Variants in ALK observed in about 807,000 individuals in gnomAD.
ALK encodes ALK tyrosine kinase receptor.
ALK carries 74 observed loss-of-function variants against 163.1 expected under a neutral mutation model. The ratio of observed to expected loss-of-function variants is 0.45; its 90% CI spans 0.38 to 0.55. ALK has a LOEUF of 0.55. Among genes scored for constraint, ALK ranks in the 20% least tolerant of loss-of-function variants. The probability of loss-of-function intolerance (pLI) is 0.00; values close to 1 mark genes in which losing one functional copy is unlikely to be tolerated. For missense variants in ALK, 2,063 were observed against 2,105.3 expected, an observed-to-expected ratio of 0.98 and a Z score of 0.39; for synonymous variants, 960 against 843.2, an observed-to-expected ratio of 1.14 and a Z score of -2.40.
chr2:29,616,483 TG>T (rs1185984667), intron 3 of ALK, among the ~76,000 whole-genome samples: 1 of 152,182 alleles, frequency 6.6e-6, no homozygotes, highest in Non-Finnish European at 1.5e-5. Flanking sequence ...TCAAGGCGTC[TG>T]AAGAATTTGT....
chr2:29,660,256 C>G (rs1273096559), intron 3 of ALK, among the ~76,000 whole-genome samples: 2 of 152,118 alleles, frequency 1.3e-5, no homozygotes, highest in Non-Finnish European at 2.9e-5. Flanking sequence ...TAAATCCTAG[C>G]CCAGGAAATG....
chr2:29,830,467 G>A (rs1028009485), intron 1 of ALK, among the ~76,000 whole-genome samples: 2 of 152,024 alleles, frequency 1.3e-5, no homozygotes, highest in African/African-American at 4.8e-5. Flanking sequence ...TCAGGTAAGA[G>A]GAGCCCTATT....
At chr2:29,785,029 T>A (rs1663973022) in intron 1 of ALK, among the ~76,000 whole-genome samples, 1 of 152,004 alleles carries the variant, frequency 6.6e-6, no homozygotes, top group Admixed American at 6.6e-5. Context: ...ACAAGAAGTA[T>A]CCCTTTTCAG....
At chr2:29,254,198 G>A (rs1236651383) in intron 11 of ALK, among the ~76,000 whole-genome samples, 3 of 152,180 alleles carry the variant, frequency 2.0e-5, no homozygotes, top group Non-Finnish European at 4.4e-5. Context: ...TGAACTGTGA[G>A]TCAGTTAAAC....
chr2:29,722,958 G>T (rs957027914), intron 1 of ALK, among the ~76,000 whole-genome samples: 1 of 152,090 alleles, frequency 6.6e-6, no homozygotes, highest in African/African-American at 2.4e-5. Context: ...CAATTCATCA[G>T]CAAATCTTGA....
chr2:29,752,405 A>T (rs908616424), intron 1 of ALK, among the ~76,000 whole-genome samples: 2 of 137,534 alleles, frequency 1.5e-5, no homozygotes, highest in Admixed American at 1.6e-4. Context: ...GCTGGAGTGC[A>T]GTGGCGCGAT....
chr2:29,806,292 C>G (rs57347299), intron 1 of ALK, among the ~76,000 whole-genome samples: 19,464 of 152,010 alleles, frequency 0.13, 3,802 homozygotes, highest in African/African-American at 0.42. Context: ...GTGTGGGATG[C>G]TGAAGCTTCT....
intron 1 of ALK, among the ~76,000 whole-genome samples, chr2:29,806,235 G>A (rs776101477): frequency 1.3e-5 from 2 of 152,128 alleles, no homozygotes; most frequent in Admixed American, 6.5e-5. Context: ...TAAATCACAC[G>A]GTGTGCGTGT....
intron 4 of ALK, among the ~76,000 whole-genome samples, chr2:29,486,522 G>A (rs1671780204): frequency 6.6e-6 from 1 of 152,134 alleles, no homozygotes; most frequent in Non-Finnish European, 1.5e-5. Flanking sequence ...TGCACATAAA[G>A]TCAGCACATT....
At chr2:29,906,901 T>A (rs1667563161) in intron 1 of ALK, among the ~76,000 whole-genome samples, 1 of 149,462 alleles carries the variant, frequency 6.7e-6, no homozygotes, top group Middle Eastern at 3.3e-3. Context: ...AAAATAGTGA[T>A]CCCCACATCC....
chr2:29,756,768 C>A (rs540223322), intron 1 of ALK, among the ~76,000 whole-genome samples: 1 of 152,234 alleles, frequency 6.6e-6, no homozygotes, highest in East Asian at 1.9e-4. Flanking sequence ...CTCAAGTGAT[C>A]CACCCGCCTC....
intron 5 of ALK, among the ~76,000 whole-genome samples, chr2:29,336,320 G>A (rs984598740): frequency 2.7e-4 from 41 of 152,262 alleles, no homozygotes; most frequent in African/African-American, 7.9e-4. Context: ...ATTAATGCTG[G>A]CTGTTGTTAA....
chr2:29,519,565 A>G (rs925153254), intron 4 of ALK, among the ~76,000 whole-genome samples: 3 of 152,204 alleles, frequency 2.0e-5, no homozygotes, highest in East Asian at 1.9e-4. Context: ...CCCACACACA[A>G]TGTACCTGCT....
At chr2:29,755,272 G>A (rs956894729) in intron 1 of ALK, among the ~76,000 whole-genome samples, 4 of 152,210 alleles carry the variant, frequency 2.6e-5, no homozygotes, top group Admixed American at 1.3e-4. Flanking sequence ...AGTCCCTGCC[G>A]GTGAATGGCC....
chr2:29,395,501 G>C (rs1486205889), intron 4 of ALK, among the ~76,000 whole-genome samples: 1 of 152,192 alleles, frequency 6.6e-6, no homozygotes, highest in East Asian at 1.9e-4. Context: ...CCCAAGGTAT[G>C]GCACCTTAGC....
At chr2:29,688,651 T>G (rs1204963334) in intron 3 of ALK, among the ~76,000 whole-genome samples, 1 of 152,156 alleles carries the variant, frequency 6.6e-6, no homozygotes, top group African/African-American at 2.4e-5. Context: ...ATCATCCGGT[T>G]TGAAACAAGT....
rs565433893 is a variant in ALK at position 29,315,567 on chromosome 2, G to C, written c.1647+2737C>G. ...TACGGCCAATAGCTCTGAAGTTTCA[G>C]TGCACCTCCAAATCACCAAGGATAG... is the stretch of plus-strand genomic sequence containing the variant. On this transcript the variant is annotated intron_variant, in intron 8 of 28. Transcript: ENST00000389048. Among the ~76,000 whole-genome samples the C allele has an allele frequency of 2.0e-4, 31 of 152,254 alleles. No homozygotes were observed. In the South Asian group the frequency reaches 5.4e-3, roughly 26 times the overall value.
chr2:29,526,258 G>A (rs1672957873), intron 4 of ALK, among the ~76,000 whole-genome samples: 1 of 152,188 alleles, frequency 6.6e-6, no homozygotes, highest in African/African-American at 2.4e-5. Context: ...TGACAAAGAT[G>A]AGGCTTGTAG....
intron 4 of ALK, among the ~76,000 whole-genome samples, chr2:29,523,199 C>A (rs565704584): frequency 6.6e-6 from 1 of 152,194 alleles, no homozygotes; most frequent in Admixed American, 6.5e-5. Context: ...CCTTTGCACA[C>A]GTGCACTCTC....
Sources: allele counts gnomAD v4.1 joint callset (sites outside exome capture counted in the v4.1 genomes callset), GRCh38; gene constraint gnomAD v4.1.1; transcripts MANE v1.5; gene names NCBI Gene and HGNC (gene_info 2026-07-23, HGNC 2026-07-21).